The following SHPRH variants were observed in gnomAD, a reference collection of about 807,000 sequenced individuals.
The protein encoded by SHPRH is E3 ubiquitin-protein ligase SHPRH.
A neutral mutation model predicts 202.5 loss-of-function variants in SHPRH; 106 were observed. The observed-to-expected ratio is 0.52, with a 90% CI of 0.45 to 0.62. SHPRH has a LOEUF of 0.62. SHPRH is among the 20% of genes least tolerant of loss of function. SHPRH has a pLI of 0.00. For missense variants in SHPRH, 1,710 were observed against 2,020.0 expected (o/e 0.85, Z 2.94); for synonymous variants, 729 against 686.0 (o/e 1.06, Z -0.98).
rs771623255 is a variant in SHPRH, at chr6:145,945,341, T to C, written c.1578+40A>G. 8.9e-6 allele frequency: 14 copies of C among 1,569,750 alleles called. No individual in the cohort carries two copies. The East Asian group carries it at 2.2e-4, about 25-fold the overall frequency. On this transcript the variant is annotated intron_variant, in intron 8 of 29. Transcript: ENST00000275233. ...TCAATGTACTCAGTAAGGTATCACATACGTGTACTTAATATAGAGCTGAAC... is the reference window on the plus strand; with the variant it reads ...TCAATGTACTCAGTAAGGTATCACACACGTGTACTTAATATAGAGCTGAAC...
chr6:145,881,997 G>A (rs1780611525), downstream of SHPRH, among the ~76,000 whole-genome samples: 1 of 151,896 alleles, frequency 6.6e-6, no homozygotes, highest in Non-Finnish European at 1.5e-5. Flanking sequence ...CTGGGAGGTT[G>A]AGGTGAGGAG....
chr6:145,941,094 A>G (rs1786720651), intron 10 of SHPRH, among the ~76,000 whole-genome samples: 1 of 152,226 alleles, frequency 6.6e-6, no homozygotes, highest in Non-Finnish European at 1.5e-5. Context: ...CATGCCCTGC[A>G]TCACTCTATC....
intron 11 of SHPRH, 109 bp from the exon 12 acceptor site, chr6:145,935,550 A>C: frequency 1.9e-6 from 2 of 1,028,150 alleles, no homozygotes; most frequent in Non-Finnish European, 2.8e-6. Flanking sequence ...CCATGAATTA[A>C]AATACAGGCT....
At chr6:145,905,009 T>G (rs1047531122) in intron 25 of SHPRH, 1 of 152,096 alleles carries the variant, frequency 6.6e-6, no homozygotes, top group Non-Finnish European at 1.5e-5. Flanking sequence ...GTGTTTGGAT[T>G]TGATGGGCTC....
chr6:145,887,535 T>G lies in SHPRH; in HGVS notation c.4955+485A>C, dbSNP rs991410317. On this transcript the variant is annotated intron_variant, in intron 29 of 29. Coordinates refer to ENST00000275233, the MANE Select transcript of SHPRH (RefSeq NM_001042683.3). Reference sequence around the variant, plus strand: ...CCACAATTAACCTTAACAAGTTTGTTTTTTTTTTTTTTTTTTTTGAGACAC... The same window carrying G: ...CCACAATTAACCTTAACAAGTTTGTGTTTTTTTTTTTTTTTTTTGAGACAC... Among the ~76,000 whole-genome samples, 4 of 136,782 alleles carry G rather than the reference T, an allele frequency of 2.9e-5. No homozygotes were observed. The East Asian group carries it at 5.9e-4, about 20-fold the overall frequency. The allele number at this position is 136,782 out of a possible 152,430, so 89.7% of individuals were successfully genotyped here.
chr6:145,859,368 T>A (rs1267755181), downstream of SHPRH, among the ~76,000 whole-genome samples: 1 of 152,076 alleles, frequency 6.6e-6, no homozygotes, highest in African/African-American at 2.4e-5. Context: ...AATCATTGAT[T>A]TTTATTTAGT....
intron 18 of SHPRH, 101 bp from the exon 19 acceptor site, chr6:145,922,937 T>G: frequency 7.6e-7 from 1 of 1,313,110 alleles, no homozygotes; most frequent in Non-Finnish European, 9.8e-7. Context: ...TTAAAGAAAC[T>G]GTTTGCTGTT....
At position 145,943,268 on chromosome 6, in the gene SHPRH, G is replaced by T. The variant is rs755682974; in HGVS notation, c.2113C>A (p.His705Asn). The T allele has an allele frequency of 6.2e-7, 1 of 1,613,756 alleles. No individual in the cohort carries two copies. Among genetic ancestry groups the T allele is most frequent in the Non-Finnish European group, 8.5e-7 (1 of 1,179,902 alleles). ...ACTGGTTCCATTGCAACAAGGCAGT[G>T]GGGGCAGTAAAAAGGCTTGATCTTC... ...NLKIKPFYCP[H>N]CLVAMEPVST... is the part of the protein sequence containing the mutation. The change falls in exon 9 of 30, where the codon CAC (histidine) becomes AAC (asparagine). Residue 705 changes from histidine (H) to asparagine (N), a missense_variant. By Grantham distance (68) the His-to-Asn change is moderately conservative. Around this residue, in one of 8 missense-constraint regions of SHPRH, gnomAD observed 277 missense variants for 363.0 expected, o/e 0.76. Coordinates refer to ENST00000275233, the MANE Select transcript of SHPRH (RefSeq NM_001042683.3).
At position 145,955,087 on chromosome 6, in the gene SHPRH, A is replaced by G. The variant is rs745442090; in HGVS notation, c.236T>C (p.Phe79Ser). 13 of 1,613,372 alleles carry G rather than the reference A, an allele frequency of 8.1e-6. No individual in the cohort carries two copies. The highest frequency in any genetic ancestry group is 2.2e-5 in the East Asian group (1 of 44,898). ...CTCTTCTTTTTCAATTGGTTTTGAG[A>G]AGCTCACCACTTTTGAACACCTCTT... ...DKKRCSKVVSFSKPIEKEETV... is the reference protein window; with the variant it reads ...DKKRCSKVVSSSKPIEKEETV... The change falls in exon 2 of 30, where the codon TTC (phenylalanine) becomes TCC (serine). Residue 79 changes from phenylalanine to serine, a missense_variant. Phe to Ser is a radical substitution (Grantham distance 155). Transcript: ENST00000275233.
At position 145,872,269 on chromosome 6, in the gene SHPRH, C is replaced by T. The variant is rs147080812; in HGVS notation, c.222-7778G>A. Among the ~76,000 whole-genome samples the T allele has an allele frequency of 4.7e-3, 715 of 152,112 alleles. 26 individuals carry two copies. The East Asian group carries it at 0.08, about 17-fold the overall frequency. ...CAGAGTAAACAGACAACCTACAGAA[C>T]GGGCGAAAATTGTTGCAATCTATGT... On this transcript the variant is annotated intron_variant, in intron 2 of 2. Transcript: ENST00000417762.
chr6:145,878,601 A>C (rs1780411876), intron 2 of SHPRH, among the ~76,000 whole-genome samples: 1 of 152,120 alleles, frequency 6.6e-6, no homozygotes, highest in South Asian at 2.1e-4. Flanking sequence ...CCCAGTTTTA[A>C]ATTGGGTTAT....
At chr6:145,861,311 G>T (rs1239031292), downstream of SHPRH, among the ~76,000 whole-genome samples, 1 of 151,632 alleles carries the variant, frequency 6.6e-6, no homozygotes, top group Non-Finnish European at 1.5e-5. Context: ...ATCTAAAGAA[G>T]ACATACAAAA....
In SHPRH at chr6:145,864,341, TA is replaced by T; in HGVS notation, c.371del (p.Leu124TyrfsTer13). 2 of 412,024 alleles carry T rather than the reference TA, an allele frequency of 4.9e-6. No homozygotes were observed. Among genetic ancestry groups the T allele is most frequent in the South Asian group, 1.9e-5 (1 of 51,846 alleles). The allele number at this position is 412,024 out of a possible 1,614,324, so 25.5% of individuals were successfully genotyped here. A position where few individuals can be genotyped will look rare whatever the true frequency, so the allele number is the denominator to read the frequency against. On this transcript the variant is annotated frameshift_variant, in exon 3 of 3. Coordinates refer to the SHPRH transcript ENST00000417762. LOFTEE classifies it high-confidence loss of function. ...AACATCTCTAAATTGAAAAAGATGA[TA>T]AAAAACAAATCAAAAAATTTTTAAA...
intron 24 of SHPRH, 110 bp downstream of exon 24, chr6:145,913,368 G>A: frequency 3.2e-6 from 3 of 929,066 alleles, no homozygotes; most frequent in East Asian, 5.3e-5. Context: ...GGTAATACTT[G>A]CCTTTCATAG....
chr6:145,914,302 T>C (rs1347627712), intron 23 of SHPRH, among the ~76,000 whole-genome samples: 2 of 152,146 alleles, frequency 1.3e-5, no homozygotes, highest in East Asian at 1.9e-4. Flanking sequence ...GATAGTCTCA[T>C]GGAGTTCCAA....
rs1343259060 is a variant in SHPRH at position 145,954,908 on chromosome 6, T to C, written c.415A>G (p.Thr139Ala). ...TTGCTTGACTCTGAACTCATCAATGTAATACTCCTTTCGGAAAAATTTTCA... is the reference window on the plus strand; with the variant it reads ...TTGCTTGACTCTGAACTCATCAATGCAATACTCCTTTCGGAAAAATTTTCA... The part of the protein sequence containing the change: ...LIENFSERSI[T>A]LMSSESSNQF... Residue 139 changes from threonine (T) to alanine (A), a missense_variant, in exon 2 of 30, where the codon ACA becomes GCA. Around this residue, in one of 8 missense-constraint regions of SHPRH, gnomAD observed 459 missense variants for 426.5 expected, o/e 1.08. Coordinates refer to ENST00000275233, the MANE Select transcript of SHPRH (RefSeq NM_001042683.3). 3 of 1,613,724 alleles carry C rather than the reference T, an allele frequency of 1.9e-6. No homozygotes were observed. The highest frequency in any genetic ancestry group is 2.7e-5 in the African/African-American group (2 of 74,926).
chr6:145,907,440 A>C (rs527507595), intron 25 of SHPRH: 1 of 152,266 alleles, frequency 6.6e-6, no homozygotes, highest in East Asian at 1.9e-4. Context: ...ATCTTTTTGA[A>C]ATCCAAATTT....
At chr6:145,915,703 T>C (rs1011522405) in intron 23 of SHPRH, among the ~76,000 whole-genome samples, 4 of 152,108 alleles carry the variant, frequency 2.6e-5, no homozygotes, top group Non-Finnish European at 5.9e-5. Context: ...GTTTTATTAG[T>C]GTTCCTTTGT....
rs1230365163 is a variant in SHPRH, at chr6:145,943,949, C to T, written c.1579-147G>A. 1.6e-5 allele frequency: 12 copies of T among 739,308 alleles called. No homozygotes were observed. The East Asian group carries it at 2.8e-4, about 17-fold the overall frequency. 45.8% of individuals were successfully genotyped at this position (739,308 alleles called of 1,614,324 possible). A position where few individuals can be genotyped will look rare whatever the true frequency, so the allele number is the denominator to read the frequency against. On this transcript the variant is annotated intron_variant, in intron 8 of 29. Transcript: ENST00000275233. ...GAGGAGAATCACTCCTGATAAGTGG[C>T]TTCCAATCTGCCCTCTGTAAGGACC...
Sources: allele counts gnomAD v4.1 joint callset (sites outside exome capture counted in the v4.1 genomes callset), GRCh38; gene constraint gnomAD v4.1.1; regional missense constraint gnomAD v4.1.1; transcripts MANE v1.5; gene names NCBI Gene and HGNC (gene_info 2026-07-23, HGNC 2026-07-21).